Variants in PCDH11X observed in about 807,000 individuals in gnomAD.
The protein encoded by PCDH11X is protocadherin-11 X-linked.
PCDH11X carries 18 observed loss-of-function variants against 53.3 expected under a neutral mutation model. The ratio of observed to expected loss-of-function variants is 0.34; its 90% CI spans 0.23 to 0.50. The LOEUF is 0.50. Among genes scored for constraint, PCDH11X ranks in the 20% least tolerant of loss-of-function variants. The probability of loss-of-function intolerance (pLI) is 0.98; values close to 1 mark genes in which losing one functional copy is unlikely to be tolerated. For synonymous variants in PCDH11X, 279 were observed against 393.3 expected (o/e 0.71, Z 3.44); for missense variants, 570 against 1,032.4 (o/e 0.55, Z 6.14).
chrX:91,802,859 G>A (rs1178657167), intron 1 of PCDH11X, among the ~76,000 whole-genome samples: 4 of 111,054 alleles, frequency 3.6e-5, no homozygotes, highest in African/African-American at 1.3e-4. Flanking sequence ...CTGCAGATTT[G>A]TCCGGACAAT....
intron 10 of PCDH11X, among the ~76,000 whole-genome samples, chrX:92,564,712 A>G: frequency 8.9e-6 from 1 of 111,991 alleles, no homozygotes; most frequent in Admixed American, 9.5e-5. Context: ...ATCTGTGCAG[A>G]AATTTCTTAA....
intron 6 of PCDH11X, among the ~76,000 whole-genome samples, chrX:92,038,841 A>C (rs956915278): frequency 5.5e-5 from 6 of 109,251 alleles, no homozygotes; most frequent in Non-Finnish European, 1.1e-4. Context: ...GTTTGCCTGC[A>C]CAAGCTCTCT....
At chrX:91,825,144 C>T (rs1936862741) in intron 4 of PCDH11X, among the ~76,000 whole-genome samples, 1 of 109,996 alleles carries the variant, frequency 9.1e-6, no homozygotes, top group South Asian at 3.7e-4. Context: ...CTGTGCCCTG[C>T]CCCCAGAGGT....
chrX:92,126,138 T>A (rs765154524), intron 6 of PCDH11X, among the ~76,000 whole-genome samples: 128 of 103,695 alleles, frequency 1.2e-3, no homozygotes, highest in African/African-American at 3.6e-3. Context: ...AAAAAAAAAA[T>A]AAAATAAAAT....
At chrX:91,889,699 G>A (rs1940387609) in intron 6 of PCDH11X, among the ~76,000 whole-genome samples, 1 of 110,454 alleles carries the variant, frequency 9.1e-6, no homozygotes, top group Admixed American at 9.7e-5. Context: ...GTGTTTACAT[G>A]ATACCAAAAC....
intron 6 of PCDH11X, among the ~76,000 whole-genome samples, chrX:91,889,325 G>A (rs1376080657): frequency 9.0e-6 from 1 of 110,660 alleles, no homozygotes; most frequent in Non-Finnish European, 1.9e-5. Flanking sequence ...TTTTTGTTTT[G>A]TTTTGCTTTT....
At chrX:92,273,167 C>T (rs981870853) in intron 8 of PCDH11X, among the ~76,000 whole-genome samples, 4 of 110,937 alleles carry the variant, frequency 3.6e-5, no homozygotes, top group Non-Finnish European at 7.5e-5. Flanking sequence ...TGCAGGCGGG[C>T]TGAGTCCGAA....
chrX:91,795,152 AT>A (rs749835677), intron 1 of PCDH11X, among the ~76,000 whole-genome samples: 3 of 112,010 alleles, frequency 2.7e-5, no homozygotes, highest in Admixed American at 9.5e-5. Flanking sequence ...CATTTCTGAT[AT>A]TTTTTTGTCT....
chrX:91,911,108 T>A (rs1188229149), intron 6 of PCDH11X, among the ~76,000 whole-genome samples: 1 of 111,266 alleles, frequency 9.0e-6, no homozygotes, highest in Non-Finnish European at 1.9e-5. Flanking sequence ...CTTCTAGAGA[T>A]ATTTATTTGG....
chrX:91,995,212 C>T (rs1167339430), intron 6 of PCDH11X, among the ~76,000 whole-genome samples: 6 of 95,440 alleles, frequency 6.3e-5, no homozygotes, highest in Non-Finnish European at 8.1e-5. Context: ...TTTGGTGTCA[C>T]GTTAAAAAAA....
At chrX:91,962,427 T>C (rs1010956829) in intron 6 of PCDH11X, among the ~76,000 whole-genome samples, 1 of 112,673 alleles carries the variant, frequency 8.9e-6, no homozygotes, top group African/African-American at 3.2e-5. Context: ...AAGTCTCACA[T>C]ACAAGGTGTG....
intron 8 of PCDH11X, among the ~76,000 whole-genome samples, chrX:92,381,441 C>T (rs925413864): frequency 2.3e-4 from 26 of 111,721 alleles, no homozygotes; most frequent in African/African-American, 3.6e-4. Flanking sequence ...AACACACTAA[C>T]GAAATTGCTA....
At chrX:91,917,037 C>T (rs1941587403) in intron 6 of PCDH11X, among the ~76,000 whole-genome samples, 1 of 111,493 alleles carries the variant, frequency 9.0e-6, no homozygotes, top group Admixed American at 9.5e-5. Context: ...TGATACATCA[C>T]ATAAACAGAA....
rs371278323 is a variant in PCDH11X, at chrX:91,824,437, G to A, written c.-44-11024G>A. 1.1e-3 allele frequency among the ~76,000 whole-genome samples: 116 copies of A among 109,601 alleles called. 1 individual carries two copies. Among genetic ancestry groups the A allele is most frequent in the African/African-American group, 3.1e-3 (93 of 29,919 alleles). ...CATTTCATTCATTTCATCTTCCATC[G>A]CTGATACCCTTTCTTCCAGTTGATC... On this transcript the variant is annotated intron_variant, in intron 4 of 10. Coordinates refer to ENST00000682573, the MANE Select transcript of PCDH11X (RefSeq NM_032968.5).
intron 8 of PCDH11X, among the ~76,000 whole-genome samples, chrX:92,325,910 C>T (rs1161671327): frequency 8.9e-6 from 1 of 111,870 alleles, no homozygotes; most frequent in Non-Finnish European, 1.9e-5. Flanking sequence ...GAAATTAATG[C>T]CACAGTGCTA....
At chrX:92,358,032 G>A (rs1353652201) in intron 8 of PCDH11X, among the ~76,000 whole-genome samples, 2 of 109,183 alleles carry the variant, frequency 1.8e-5, no homozygotes, top group Admixed American at 2.0e-4. Flanking sequence ...CGTCTATGGG[G>A]CCAAAGCCAA....
chrX:91,973,991 T>G (rs1326422834), intron 6 of PCDH11X, among the ~76,000 whole-genome samples: 1 of 110,887 alleles, frequency 9.0e-6, no homozygotes, highest in Non-Finnish European at 1.9e-5. Flanking sequence ...TGCAAAACCT[T>G]TATATTGGGT....
intron 6 of PCDH11X, among the ~76,000 whole-genome samples, chrX:91,963,006 G>C: frequency 9.0e-6 from 1 of 110,785 alleles, no homozygotes; most frequent in Non-Finnish European, 1.9e-5. Context: ...TTCCCCCTAA[G>C]CCTCTAGGCC....
intron 6 of PCDH11X, among the ~76,000 whole-genome samples, chrX:92,087,674 G>A (rs1313470520): frequency 2.7e-5 from 3 of 110,309 alleles, no homozygotes; most frequent in East Asian, 5.8e-4. Context: ...AGACAGGTTT[G>A]TACATAATTC....
Sources: allele counts gnomAD v4.1 joint callset (sites outside exome capture counted in the v4.1 genomes callset), GRCh38; gene constraint gnomAD v4.1.1; transcripts MANE v1.5; gene names NCBI Gene and HGNC (gene_info 2026-07-23, HGNC 2026-07-21).